MXRA8: variants seen among roughly 807,000 people sequenced by gnomAD.
The protein encoded by MXRA8 is matrix remodeling-associated protein 8.
Under a neutral mutation model 51.4 loss-of-function variants are expected in MXRA8, and 44 were observed. That is an observed-to-expected ratio of 0.86 (90% CI 0.67 to 1.10). The LOEUF (loss-of-function observed/expected upper bound fraction) is 1.10, where lower values mean the gene tolerates loss of function less well. Ranked by LOEUF, MXRA8 falls within the 50% of genes least tolerant of loss-of-function variation. MXRA8 has a pLI of 0.00. For synonymous variants in MXRA8, 369 were observed against 293.5 expected (o/e 1.26, Z -2.63); for missense variants, 765 against 638.9 (o/e 1.20, Z -2.13).
rs770790553 is a variant in MXRA8, at chr1:1,355,126, C to A, written c.505G>T (p.Gly169Cys). The A allele has an allele frequency of 2.5e-5, 37 of 1,489,038 alleles. 1 individual carries two copies. The African/African-American group carries it at 5.3e-4, about 21-fold the overall frequency. The allele number at this position is 1,489,038 out of a possible 1,614,324, so 92.2% of individuals were successfully genotyped here. A position where few individuals can be genotyped will look rare whatever the true frequency, so the allele number is the denominator to read the frequency against. Residue 169 changes from glycine (G) to cysteine (C), a missense_variant, in exon 5 of 10, where the codon GGC becomes TGC. Coordinates refer to ENST00000309212, the MANE Select transcript of MXRA8 (RefSeq NM_032348.4). ...GCCACCGCCAGCACCTCCTTCTCGCCGTCCCAGTAGGCGGGGGTGGCCGGG... is the reference window on the plus strand; with the variant it reads ...GCCACCGCCAGCACCTCCTTCTCGCAGTCCCAGTAGGCGGGGGTGGCCGGG... Reference protein sequence around the residue: ...GPPATPAYWDGEKEVLAVARG... With the variant: ...GPPATPAYWDCEKEVLAVARG...
chr1:1,354,011 T>A lies in MXRA8; in HGVS notation c.1222+19A>T, dbSNP rs750218566. The A allele has an allele frequency of 1.2e-6, 2 of 1,612,376 alleles. No individual in the cohort carries two copies. On this transcript the variant is annotated intron_variant, in intron 8 of 9. Transcript: ENST00000309212. ...ACTGGGAGCCGCGCCTGTGCCCTCG[T>A]GTCCCAGCACTGCCTCACCTAGCTG... is the stretch of plus-strand genomic sequence containing the variant.
At chr1:1,356,252 G>A (rs1406463367) in intron 2 of MXRA8, among the ~76,000 whole-genome samples, 1 of 127,970 alleles carries the variant, frequency 7.8e-6, no homozygotes, top group Non-Finnish European at 1.7e-5. Flanking sequence ...ATGGGGGAGG[G>A]CAAGTCAGTC....
chr1:1,355,340 C>T lies in MXRA8; in HGVS notation c.382G>A (p.Glu128Lys), dbSNP rs374954664. Residue 128 changes from glutamate (E) to lysine (K), a missense_variant, in exon 4 of 10, where the codon GAG becomes AAG. Transcript: ENST00000309212. ...GNFSLLIRAV[E>K]ETDAGLYTCN... ...GTGTACAGCCCCGCGTCCGTCTCCT[C>T]CACCGCTGCGCACCCAGGAGGAAGC... 1.3e-6 allele frequency: 2 copies of T among 1,574,818 alleles called. No homozygotes were observed. Among genetic ancestry groups the T allele is most frequent in the Middle Eastern group, 2.2e-4 (1 of 4,526 alleles).
intron 5 of MXRA8, 22 bp from the exon 6 acceptor site, chr1:1,354,531 G>A (rs4970365): frequency 0.91 from 1,463,362 of 1,608,042 alleles, 667,921 homozygotes; most frequent in Non-Finnish European, 0.93. Context: ...GCGGGGTCGG[G>A]GCGGCGTCAG....
chr1:1,360,401 G>A (rs1644206193), upstream of MXRA8, among the ~76,000 whole-genome samples: 2 of 147,512 alleles, frequency 1.4e-5, no homozygotes, highest in Non-Finnish European at 1.5e-5. Flanking sequence ...ACAGAGAAGA[G>A]CAGGCCTGGT....
At position 1,358,494 on chromosome 1, in the gene MXRA8, G is replaced by A. The variant is rs778123122; in HGVS notation, c.11C>T (p.Pro4Leu). Residue 4 changes from proline (P) to leucine (L), a missense_variant, in exon 1 of 10, where the codon CCA becomes CTA. By Grantham distance (98) the Pro-to-Leu change is moderately conservative. Transcript: ENST00000309212. ...AAGTTTCCAAAGCAGGATTCGGGAT[G>A]GCAGCGCCATGGCCCCCGCCCAGCC... The part of the protein sequence containing the change: MAL[P>L]SRILLWKLVL... 1 of 1,613,174 alleles carries A rather than the reference G, an allele frequency of 6.2e-7. No individual in the cohort carries two copies. Among genetic ancestry groups the A allele is most frequent in the Admixed American group, 1.7e-5 (1 of 59,952 alleles).
chr1:1,360,578 G>A (rs1644209114), upstream of MXRA8, among the ~76,000 whole-genome samples: 1 of 152,110 alleles, frequency 6.6e-6, no homozygotes, highest in Non-Finnish European at 1.5e-5. Context: ...CTGGGAAGAG[G>A]ACAAACCAGG....
chr1:1,361,462 C>T (rs1418055314), upstream of MXRA8: 15 of 602,350 alleles, frequency 2.5e-5, no homozygotes, highest in Non-Finnish European at 4.5e-5. Context: ...GCTGGAGGGG[C>T]GAGGACGGAC....
chr1:1,359,954 T>C (rs890761906), upstream of MXRA8, among the ~76,000 whole-genome samples: 1 of 152,204 alleles, frequency 6.6e-6, no homozygotes, highest in Non-Finnish European at 1.5e-5. Context: ...CCCATGTCTG[T>C]CTCCGTCGCA....
Position 1,355,237 on chromosome 1 carries a change from C to T in MXRA8, c.478+7G>A. ...CGGGAGCTGGGGGGCGGGGGGGAAG[C>T]ACTCACGGCCGTCGGTGACCTCCAG... On this transcript the variant is annotated splice_region_variant and intron_variant, in intron 4 of 9. Coordinates refer to ENST00000309212, the MANE Select transcript of MXRA8 (RefSeq NM_032348.4). The T allele has an allele frequency of 1.9e-6, 3 of 1,547,796 alleles. No individual in the cohort carries two copies. The highest frequency in any genetic ancestry group is 1.2e-5 in the South Asian group (1 of 84,380).
At chr1:1,362,780 C>CA (rs70949575), upstream of MXRA8, among the ~76,000 whole-genome samples, 50 of 141,150 alleles carry the variant, frequency 3.5e-4, no homozygotes, top group South Asian at 2.2e-3. Context: ...GACTCCATCT[C>CA]AAAAAAAAAA....
chr1:1,355,481 G>A lies in MXRA8; in HGVS notation c.345C>T (p.Phe115=). Residue 115 remains phenylalanine, a synonymous_variant, in exon 3 of 10, where the codon TTC becomes TTT. Transcript: ENST00000309212. ...RGRLELSASA[F]DDGNFSLLIR... is the part of the protein sequence containing the mutation. ...TGAGCAGCGAGAAGTTGCCGTCGTCGAAGGCCGAGGCCGAGAGCTCCAGGC... is the reference window on the plus strand; with the variant it reads ...TGAGCAGCGAGAAGTTGCCGTCGTCAAAGGCCGAGGCCGAGAGCTCCAGGC... 6.6e-7 allele frequency: 1 copy of A among 1,509,636 alleles called. No homozygotes were observed. Among genetic ancestry groups the A allele is most frequent in the Non-Finnish European group, 8.8e-7 (1 of 1,140,318 alleles). The allele number at this position is 1,509,636 out of a possible 1,614,324, so 93.5% of individuals were successfully genotyped here. A position where few individuals can be genotyped will look rare whatever the true frequency, so the allele number is the denominator to read the frequency against.
chr1:1,353,702 C>T, intron 9 of MXRA8, 73 bp from the exon 10 acceptor site: 4 of 1,504,256 alleles, frequency 2.7e-6, no homozygotes, highest in Non-Finnish European at 2.7e-6. Flanking sequence ...CAGGGCAGAC[C>T]CCCCCGCAGG....
At chr1:1,360,507 T>TGGGGGGGGGGGGGGGGGGC (rs75605518), upstream of MXRA8, among the ~76,000 whole-genome samples, 2 of 147,738 alleles carry the variant, frequency 1.4e-5, no homozygotes, top group Non-Finnish European at 3.0e-5. Flanking sequence ...CGCTGGGGGG[T>TGGGGGGGGGGGGGGGGGGC]GGTCTGCAGA....
rs146085198 is a variant in MXRA8 at position 1,353,912 on chromosome 1, G to A, written c.1239C>T (p.Ile413=). The A allele has an allele frequency of 3.8e-5, 61 of 1,609,882 alleles. 1 individual carries two copies. The African/African-American group carries it at 5.2e-4, about 14-fold the overall frequency. The change falls in exon 9 of 10, where the codon ATC becomes ATT. Residue 413 remains isoleucine (I), a synonymous_variant. Transcript: ENST00000309212. ...EDIQLDYKNN[I]LKERAELAHS... is the part of the protein sequence containing the mutation. Reference sequence around the variant, plus strand: ...GGGCCAGCTCCGCCCTCTCCTTCAGGATGTTGTTTTTGTAATCTGTGGGAG... The same window carrying A: ...GGGCCAGCTCCGCCCTCTCCTTCAGAATGTTGTTTTTGTAATCTGTGGGAG...
chr1:1,362,495 C>T (rs1644233027), upstream of MXRA8, among the ~76,000 whole-genome samples: 1 of 151,640 alleles, frequency 6.6e-6, no homozygotes, highest in Admixed American at 6.6e-5. Flanking sequence ...GCCACAAAGT[C>T]TCGGCCAGGC....
chr1:1,354,287 C>T, intron 6 of MXRA8, 55 bp from the exon 7 acceptor site: 7 of 1,600,470 alleles, frequency 4.4e-6, no homozygotes, highest in Non-Finnish European at 6.0e-6. Flanking sequence ...GGTCCCCCAG[C>T]CCAGAGGACC....
At chr1:1,362,642 G>A (rs1466875517), upstream of MXRA8, among the ~76,000 whole-genome samples, 15 of 151,458 alleles carry the variant, frequency 9.9e-5, no homozygotes, top group South Asian at 2.1e-4. Context: ...TTAGCCAGGC[G>A]TGGTGGCAGG....
In MXRA8 at chr1:1,355,590, C is replaced by A; in HGVS notation, c.236G>T (p.Gly79Val). ...GCGCCGCGCGGGGCCACCCCCGGGG[C>A]CGCGCAGGTCCCAGTGGAGCACGCG... The part of the protein sequence containing the change: ...RQRVLHWDLR[G>V]PGGGPARRLL... The change falls in exon 3 of 10, where the codon GGC becomes GTC. Residue 79 changes from glycine to valine, a missense_variant. Gly to Val is a moderately radical substitution (Grantham distance 109). Transcript: ENST00000309212. The A allele has an allele frequency of 6.8e-7, 1 of 1,477,280 alleles. No homozygotes were observed. Among genetic ancestry groups the A allele is most frequent in the African/African-American group, 1.5e-5 (1 of 68,334 alleles). 91.5% of individuals were successfully genotyped at this position (1,477,280 alleles called of 1,614,324 possible).
Sources: allele counts gnomAD v4.1 joint callset (sites outside exome capture counted in the v4.1 genomes callset), GRCh38; gene constraint gnomAD v4.1.1; transcripts MANE v1.5; gene names NCBI Gene and HGNC (gene_info 2026-07-23, HGNC 2026-07-21).